CLPTM1L: variants seen among roughly 807,000 people sequenced by gnomAD.
CLPTM1L encodes CLPTM1 like, also known as lipid scramblase CLPTM1L.
A neutral mutation model predicts 70.9 loss-of-function variants in CLPTM1L; 38 were observed. The ratio of observed to expected loss-of-function variants is 0.54; its 90% CI spans 0.41 to 0.70. The LOEUF (loss-of-function observed/expected upper bound fraction) is 0.70. Among genes scored for constraint, CLPTM1L ranks in the 30% least tolerant of loss-of-function variants. CLPTM1L has a pLI of 0.00. For missense variants in CLPTM1L, 652 were observed against 705.9 expected, an observed-to-expected ratio of 0.92 and a Z score of 0.87; for synonymous variants, 339 against 299.9, an observed-to-expected ratio of 1.13 and a Z score of -1.35.
intron 6 of CLPTM1L, 89 bp downstream of exon 6, chr5:1,334,968 A>C (rs1415058763): frequency 2.2e-6 from 2 of 895,804 alleles, no homozygotes; most frequent in Non-Finnish European, 3.6e-6. Flanking sequence ...GGAGGCGAGG[A>C]GGCCCCGGCC....
Position 1,344,239 on chromosome 5 carries a change from G to C in CLPTM1L, c.263+112C>G, listed in dbSNP as rs972913392. Reference sequence around the variant, plus strand: ...GATATTCTACCACTTCAAGACATTCGGTAAGACTAGTTCTCTAAAATAAAC... The same window carrying C: ...GATATTCTACCACTTCAAGACATTCCGTAAGACTAGTTCTCTAAAATAAAC... On this transcript the variant is annotated intron_variant, in intron 2 of 16. Transcript: ENST00000320895. 44 of 758,902 alleles carry C rather than the reference G, an allele frequency of 5.8e-5. 1 individual carries two copies. The highest frequency in any genetic ancestry group is 2.3e-4 in the Middle Eastern group (1 of 4,416). 47.0% of individuals were successfully genotyped at this position (758,902 alleles called of 1,614,324 possible). A position where few individuals can be genotyped will look rare whatever the true frequency, so the allele number is the denominator to read the frequency against.
intron 11 of CLPTM1L, among the ~76,000 whole-genome samples, chr5:1,324,413 C>T (rs565902065): frequency 1.3e-5 from 2 of 152,388 alleles, no homozygotes; most frequent in East Asian, 1.9e-4. Flanking sequence ...TGTGCGGCCG[C>T]GGCCATTATG....
At chr5:1,335,334 C>T (rs961050568) in intron 5 of CLPTM1L, among the ~76,000 whole-genome samples, 160 bp from the exon 6 acceptor site, 2 of 152,230 alleles carry the variant, frequency 1.3e-5, no homozygotes, top group Non-Finnish European at 2.9e-5. Context: ...CCTTCTGTCA[C>T]CACAGGCCTC....
rs766547498 is a variant in CLPTM1L at position 1,341,746 on chromosome 5, C to T, written c.378G>A (p.Leu126=). Reference sequence around the variant, plus strand: ...CCATGTAGGTGGTCAGAGGACTGACCAGGTGCACCTGCTTCCCGTCGTGCC... The same window carrying T: ...CCATGTAGGTGGTCAGAGGACTGACTAGGTGCACCTGCTTCCCGTCGTGCC... ...LPWHDGKQVH[L]VSPLTTYMVP... The change falls in exon 3 of 17, where the codon CTG becomes CTA. Residue 126 remains leucine (L), a synonymous_variant. Transcript: ENST00000320895. 1 of 1,614,046 alleles carries T rather than the reference C, an allele frequency of 6.2e-7. No individual in the cohort carries two copies. Among genetic ancestry groups the T allele is most frequent in the South Asian group, 1.1e-5 (1 of 91,084 alleles).
intron 3 of CLPTM1L, among the ~76,000 whole-genome samples, chr5:1,340,306 T>C (rs1437949416): frequency 6.6e-6 from 1 of 152,076 alleles, no homozygotes; most frequent in Non-Finnish European, 1.5e-5. Flanking sequence ...AAACCAAGCA[T>C]GTGGGGCTGC....
chr5:1,326,167 T>A, intron 9 of CLPTM1L: 1 of 309,810 alleles, frequency 3.2e-6, no homozygotes. Flanking sequence ...GGGACCGCTC[T>A]GAGAGCCGCC....
At chr5:1,321,288 A>G (rs1752137471) in intron 15 of CLPTM1L, among the ~76,000 whole-genome samples, 1 of 152,248 alleles carries the variant, frequency 6.6e-6, no homozygotes. Flanking sequence ...GGGGGCTTCC[A>G]TTCCTGCCTG....
At position 1,337,780 on chromosome 5, in the gene CLPTM1L, C is replaced by T. The variant is rs562063582; in HGVS notation, c.678+124G>A. ...CACTCGAAGGCAGTGCTTCCCAGCA[C>T]GGGTAAAAGCACCGTGTCAAATGTC... On this transcript the variant is annotated intron_variant, in intron 5 of 16. Coordinates refer to ENST00000320895, the MANE Select transcript of CLPTM1L (RefSeq NM_030782.5). 3.0e-4 allele frequency: 234 copies of T among 789,006 alleles called. 2 individuals are homozygous for T. The highest frequency in any genetic ancestry group is 4.3e-4 in the Non-Finnish European group (205 of 472,544). The allele number at this position is 789,006 out of a possible 1,614,324, so 48.9% of individuals were successfully genotyped here.
At position 1,335,041 on chromosome 5, in the gene CLPTM1L, C is replaced by G; in HGVS notation, c.796+16G>C. The G allele has an allele frequency of 6.2e-7, 1 of 1,603,504 alleles. No homozygotes were observed. Among genetic ancestry groups the G allele is most frequent in the Non-Finnish European group, 8.5e-7 (1 of 1,171,794 alleles). ...AGGGCGGCCTCACCCAGGCGCCGGC[C>G]GTGTGCGGCACATACCGAACTGCTG... On this transcript the variant is annotated intron_variant, in intron 6 of 16. Transcript: ENST00000320895.
In CLPTM1L at chr5:1,344,627, G is replaced by A. The variant is rs1579662123; in HGVS notation, c.162+53C>T. 3.3e-6 allele frequency: 5 copies of A among 1,524,666 alleles called. No homozygotes were observed. The African/African-American group carries it at 4.1e-5, about 13-fold the overall frequency. The allele number at this position is 1,524,666 out of a possible 1,614,324, so 94.4% of individuals were successfully genotyped here. ...ACGGGAAGGCGACGTCTGGGGCCTG[G>A]AGGAGAGGCCCCCACCCCAACCCGC... On this transcript the variant is annotated intron_variant, in intron 1 of 16. Coordinates refer to ENST00000320895, the MANE Select transcript of CLPTM1L (RefSeq NM_030782.5).
Position 1,318,617 on chromosome 5 carries a change from G to C in CLPTM1L, c.1533-164C>G, listed in dbSNP as rs1262113987. 6.6e-6 allele frequency among the ~76,000 whole-genome samples: 1 copy of C among 152,220 alleles called. No homozygotes were observed. Among genetic ancestry groups the C allele is most frequent in the Non-Finnish European group, 1.5e-5 (1 of 68,036 alleles). On this transcript the variant is annotated intron_variant, in intron 16 of 16. Coordinates refer to ENST00000320895, the MANE Select transcript of CLPTM1L (RefSeq NM_030782.5). The surrounding 1 kb of genome is among the most constrained non-coding windows in gnomAD (Gnocchi z 8.9). ...GTTTTACTGCCGAGGGCTGAGGAGGGATTTCTGAGTTGTGTTTTGTTCTGC... is the reference window on the plus strand; with the variant it reads ...GTTTTACTGCCGAGGGCTGAGGAGGCATTTCTGAGTTGTGTTTTGTTCTGC...
At chr5:1,344,241 T>C (rs1754129765) in intron 2 of CLPTM1L, 110 bp downstream of exon 2, 3 of 766,206 alleles carry the variant, frequency 3.9e-6, no homozygotes, top group African/African-American at 1.7e-5. Flanking sequence ...AGACATTCGG[T>C]AAGACTAGTT....
chr5:1,334,210 G>T (rs2111239673), intron 7 of CLPTM1L, 79 bp downstream of exon 7: 1 of 1,041,328 alleles, frequency 9.6e-7, no homozygotes, highest in Non-Finnish European at 1.5e-6. Flanking sequence ...CAAACCCCAG[G>T]TCCAGGACCC....
chr5:1,333,694 C>CA (rs1753337074), intron 7 of CLPTM1L, among the ~76,000 whole-genome samples: 1 of 97,472 alleles, frequency 1.0e-5, no homozygotes, highest in Non-Finnish European at 1.9e-5. Flanking sequence ...TGTAGACACA[C>CA]CGCAAGAGGA....
chr5:1,323,667 C>A (rs538808469), intron 12 of CLPTM1L, 120 bp downstream of exon 12: 3 of 737,236 alleles, frequency 4.1e-6, no homozygotes, highest in East Asian at 5.3e-5. Context: ...CCCTCCCAGG[C>A]GCTGGCCCAA....
chr5:1,333,979 T>C (rs978935434), intron 7 of CLPTM1L, among the ~76,000 whole-genome samples: 30 of 152,104 alleles, frequency 2.0e-4, no homozygotes, highest in African/African-American at 7.2e-4. Context: ...ATTCATCTCA[T>C]TGGTGTGGAC....
Position 1,344,465 on chromosome 5 carries a change from G to A in CLPTM1L, c.163-14C>T, listed in dbSNP as rs1206629143. On this transcript the variant is annotated splice_polypyrimidine_tract_variant and intron_variant, in intron 1 of 16. Transcript: ENST00000320895. The stretch of plus-strand genomic sequence containing the variant: ...GTACACGCTCAGCTGGAAAGGAGGG[G>A]GCGTCGAGAGTCAGCTCGGCCAGGC... 1.9e-6 allele frequency: 3 copies of A among 1,607,678 alleles called. No individual in the cohort carries two copies. The Admixed American group carries it at 5.0e-5, about 27-fold the overall frequency.
In CLPTM1L at chr5:1,335,089, A is replaced by T. The variant is rs1467863205; in HGVS notation, c.764T>A (p.Met255Lys). The change falls in exon 6 of 17, where the codon ATG becomes AAG. Residue 255 changes from methionine to lysine, a missense_variant. By Grantham distance (95) the Met-to-Lys change is moderately conservative. Around this residue, in one of 3 missense-constraint regions of CLPTM1L, gnomAD observed 402 missense variants for 388.2 expected, o/e 1.04. Coordinates refer to ENST00000320895, the MANE Select transcript of CLPTM1L (RefSeq NM_030782.5). ...CTGCAGGGAGTACACGGCGTCCTGCATGTGGATCCAGAAGCGCAGCCGCCC... is the reference window on the plus strand; with the variant it reads ...CTGCAGGGAGTACACGGCGTCCTGCTTGTGGATCCAGAAGCGCAGCCGCCC... ...SLGRLRFWIH[M>K]QDAVYSLQQF... 1 of 1,613,558 alleles carries T rather than the reference A, an allele frequency of 6.2e-7. No individual in the cohort carries two copies. Among genetic ancestry groups the T allele is most frequent in the Admixed American group, 1.7e-5 (1 of 60,034 alleles).
intron 9 of CLPTM1L, among the ~76,000 whole-genome samples, chr5:1,327,002 C>A: frequency 6.6e-6 from 1 of 151,184 alleles, no homozygotes; most frequent in African/African-American, 2.5e-5. Context: ...GACATTTCAT[C>A]CAGCTCCTCC....
Sources: allele counts gnomAD v4.1 joint callset (sites outside exome capture counted in the v4.1 genomes callset), GRCh38; gene constraint gnomAD v4.1.1; regional missense constraint gnomAD v4.1.1; non-coding constraint Gnocchi (gnomAD v3.1); transcripts MANE v1.5; gene names NCBI Gene and HGNC (gene_info 2026-07-23, HGNC 2026-07-21).